The following LMO2 variants were observed in gnomAD, a reference collection of about 807,000 sequenced individuals.
LMO2 encodes the protein LIM domain only 2, also known as rhombotin-2.
In LMO2, 20 loss-of-function variants were observed where a neutral mutation model predicts 23.2. The observed-to-expected ratio is 0.86, with a 90% CI of 0.61 to 1.25. The LOEUF is 1.25. Ranked by LOEUF, LMO2 falls within the 50% of genes most tolerant of loss-of-function variation. LMO2 has a pLI of 0.00. For synonymous variants in LMO2, 123 were observed against 130.2 expected, an observed-to-expected ratio of 0.94 and a Z score of 0.38; for missense variants, 270 against 315.3, an observed-to-expected ratio of 0.86 and a Z score of 1.09.
intron 2 of LMO2, among the ~76,000 whole-genome samples, chr11:33,876,932 A>C (rs574621330): frequency 9.8e-5 from 15 of 152,374 alleles, no homozygotes; most frequent in African/African-American, 3.6e-4. Flanking sequence ...TGCTGAGCCC[A>C]GTGATCAACA....
At chr11:33,870,491 G>T in intron 2 of LMO2, 1 of 985,500 alleles carries the variant, frequency 1.0e-6, no homozygotes, top group South Asian at 4.7e-5. Flanking sequence ...CGGGCTCCGG[G>T]CTGCGGGCTC....
At position 33,864,992 on chromosome 11, in the gene LMO2, G is replaced by T. The variant is rs570107445; in HGVS notation, c.249-175C>A. ...AGACTGCAGAGTCCCAACCAACCTTGGGTTAAGACGGGAAAGAGCCAGACC... is the reference window on the plus strand; with the variant it reads ...AGACTGCAGAGTCCCAACCAACCTTTGGTTAAGACGGGAAAGAGCCAGACC... On this transcript the variant is annotated intron_variant, in intron 4 of 5. Coordinates refer to ENST00000257818, the MANE Select transcript of LMO2 (RefSeq NM_005574.4). This position sits in a 1 kb window ranked among gnomAD's most constrained non-coding sequence, Gnocchi z 4.8. The T allele has an allele frequency of 4.9e-5, 32 of 656,982 alleles. No homozygotes were observed. In the African/African-American group the frequency reaches 5.1e-4, roughly 11 times the overall value. 40.7% of individuals were successfully genotyped at this position (656,982 alleles called of 1,614,324 possible). A position where few individuals can be genotyped will look rare whatever the true frequency, so the allele number is the denominator to read the frequency against.
intron 2 of LMO2, among the ~76,000 whole-genome samples, chr11:33,879,469 A>T (rs908771712): frequency 1.3e-5 from 2 of 151,658 alleles, no homozygotes; most frequent in Non-Finnish European, 2.9e-5. Context: ...TAAAAAAAAA[A>T]AAAAAAAAAA....
rs1382303401 is a variant in LMO2 at position 33,869,370 on chromosome 11, T to G, written c.224A>C (p.Glu75Ala). 6.8e-6 allele frequency: 8 copies of G among 1,180,574 alleles called. No individual in the cohort carries two copies. Among genetic ancestry groups the G allele is most frequent in the East Asian group, 7.7e-5 (2 of 25,980 alleles). 73.1% of individuals were successfully genotyped at this position (1,180,574 alleles called of 1,614,324 possible). ...CTCTGAAGGGTCCAGGCTCTTCCTT[T>G]CGATGGCCGAGGACATTGGGGAGGG... The part of the protein sequence containing the change: ...PPPSPMSSAI[E>A]RKSLDPSEEP... The change falls in exon 4 of 6, where the codon GAA becomes GCA. Residue 75 changes from glutamate (E) to alanine (A), a missense_variant. Glu to Ala is a moderately radical substitution (Grantham distance 107, BLOSUM62 -1). Coordinates refer to ENST00000257818, the MANE Select transcript of LMO2 (RefSeq NM_005574.4).
At chr11:33,871,567 C>CAAAAA (rs58212820) in intron 2 of LMO2, among the ~76,000 whole-genome samples, 14 of 52,908 alleles carry the variant, frequency 2.6e-4, no homozygotes, top group East Asian at 1.1e-3. Flanking sequence ...GACCCTGTCT[C>CAAAAA]AAAAAAAAAA....
Position 33,880,932 on chromosome 11 carries a change from CTGGATAAACT to C in LMO2, c.-272+882_-272+891del. On this transcript the variant is annotated intron_variant, in intron 2 of 5. Transcript: ENST00000257818. The surrounding 1 kb of genome is among the most constrained non-coding windows in gnomAD (Gnocchi z 4.3). ...TTCGAATAGTGCTCATCCCTGACTT[CTGGATAAACT>C]TCTTTGCAGAAGCCCATTTGACTCC... The C allele has an allele frequency of 2.9e-6, 1 of 341,480 alleles. No individual in the cohort carries two copies. The highest frequency in any genetic ancestry group is 2.3e-5 in the South Asian group (1 of 43,904). 21.2% of individuals were successfully genotyped at this position (341,480 alleles called of 1,614,324 possible).
chr11:33,876,801 G>A (rs910696962), intron 2 of LMO2, among the ~76,000 whole-genome samples: 3 of 152,212 alleles, frequency 2.0e-5, no homozygotes, highest in Admixed American at 1.3e-4. Flanking sequence ...GCTCCTTTAA[G>A]TACATGGTTT....
intron 4 of LMO2, among the ~76,000 whole-genome samples, chr11:33,868,851 C>T (rs1460328953): frequency 1.3e-5 from 2 of 152,204 alleles, no homozygotes; most frequent in Non-Finnish European, 2.9e-5. Context: ...CCGTTATCCG[C>T]AAGGCTGGCA....
Position 33,869,711 on chromosome 11 carries a change from T to G in LMO2, c.6A>C (p.Glu2Asp). The change falls in exon 3 of 6, where the codon GAA (glutamate) becomes GAC (aspartate). Residue 2 changes from glutamate to aspartate, a missense_variant and splice_region_variant. Coordinates refer to ENST00000257818, the MANE Select transcript of LMO2 (RefSeq NM_005574.4). M[E>D]GSAVTVLERG... is the part of the protein sequence containing the mutation. ...TGCTGCTGCTGCTCAGGACTTAACC[T>G]TCCATCCCGGTCCCGCCGCCGCCAC... The G allele has an allele frequency of 7.8e-7, 1 of 1,280,772 alleles. No homozygotes were observed. 79.3% of individuals were successfully genotyped at this position (1,280,772 alleles called of 1,614,324 possible). A position where few individuals can be genotyped will look rare whatever the true frequency, so the allele number is the denominator to read the frequency against.
rs985963309 is a variant in LMO2, at chr11:33,869,902, G to C, written c.-186C>G. The C allele has an allele frequency of 2.9e-6, 3 of 1,049,978 alleles. No individual in the cohort carries two copies. Among genetic ancestry groups the C allele is most frequent in the African/African-American group, 3.4e-5 (2 of 58,870 alleles). 65.0% of individuals were successfully genotyped at this position (1,049,978 alleles called of 1,614,324 possible). On this transcript the variant is annotated 5_prime_UTR_variant, in exon 3 of 6. Transcript: ENST00000257818. ...GCGGCCTAGGGGCGGGGAGGGGACC[G>C]TGCGTCTCTCTCCGGGCTTCCTCCT...
At chr11:33,891,390 T>TGCACACACACTCACAC (rs1857547646) in intron 1 of LMO2, among the ~76,000 whole-genome samples, 1 of 52,820 alleles carries the variant, frequency 1.9e-5, no homozygotes, top group African/African-American at 7.3e-5. Context: ...CACACACACA[T>TGCACACACACTCACAC]GCACACACAC....
chr11:33,869,215 G>T, intron 4 of LMO2, 131 bp downstream of exon 4: 2 of 558,450 alleles, frequency 3.6e-6, no homozygotes, highest in Non-Finnish European at 4.8e-6. Flanking sequence ...CCAGCGCTCG[G>T]CACAGGGGGC....
rs995574130 is a variant in LMO2 at position 33,864,671 on chromosome 11, C to T, written c.395G>A (p.Arg132Gln). 6.8e-6 allele frequency: 11 copies of T among 1,613,950 alleles called. No individual in the cohort carries two copies. Among genetic ancestry groups the T allele is most frequent in the African/African-American group, 1.3e-5 (1 of 74,934 alleles). ...GAGGCGCCGCCCCACCTCACCCAGC[C>T]GGCAGCCACAGAGGTCGCAGCTCAG... ...DCLSCDLCGC[R>Q]LGEVGRRLYY... is the part of the protein sequence containing the mutation. The change falls in exon 5 of 6, where the codon CGG becomes CAG. Residue 132 changes from arginine (R) to glutamine (Q), a missense_variant. Physicochemically the swap from Arg to Gln is conservative, Grantham distance 43. Transcript: ENST00000257818. The surrounding 1 kb of genome is among the most constrained non-coding windows in gnomAD (Gnocchi z 4.8).
Position 33,869,848 on chromosome 11 carries a change from T to C in LMO2, c.-132A>G, listed in dbSNP as rs748596915. ...ACCTTCGGCCCGGGTCGCGGCGCGC[T>C]GCTCGCCGCCGAGGGCAGAGAGGGG... On this transcript the variant is annotated 5_prime_UTR_variant, in exon 3 of 6. Coordinates refer to ENST00000257818, the MANE Select transcript of LMO2 (RefSeq NM_005574.4). The C allele has an allele frequency of 2.6e-4, 274 of 1,060,638 alleles. No homozygotes were observed. The highest frequency in any genetic ancestry group is 3.0e-4 in the Non-Finnish European group (266 of 879,586). The allele number at this position is 1,060,638 out of a possible 1,614,324, so 65.7% of individuals were successfully genotyped here. A position where few individuals can be genotyped will look rare whatever the true frequency, so the allele number is the denominator to read the frequency against.
At chr11:33,869,313 CG>C (rs1383446073) in intron 4 of LMO2, 32 bp downstream of exon 4, 2 of 1,100,182 alleles carry the variant, frequency 1.8e-6, no homozygotes, top group Non-Finnish European at 2.2e-6. Context: ...CCGTGGACAC[CG>C]GGGGTGGCAG....
chr11:33,869,680 T>A, intron 3 of LMO2, 30 bp downstream of exon 3: 3 of 1,263,986 alleles, frequency 2.4e-6, no homozygotes, highest in Non-Finnish European at 3.0e-6. Flanking sequence ...TCCAGGCGGC[T>A]GCAGCTGCTG....
At chr11:33,889,105 G>A (rs1857482819) in intron 1 of LMO2, among the ~76,000 whole-genome samples, 1 of 152,180 alleles carries the variant, frequency 6.6e-6, no homozygotes, top group South Asian at 2.1e-4. Context: ...GAACAGGTTT[G>A]GGTAATAGGG....
At chr11:33,870,475 AGGCTGCGGGCTCCGGGCTGCGGGCTCCG>A (rs906198567) in intron 2 of LMO2, 2 of 963,704 alleles carry the variant, frequency 2.1e-6, no homozygotes, top group Admixed American at 6.2e-5. Flanking sequence ...TGCGGGCCCC[AGGCTGCGGGCTCCGGGCTGCGGGCTCCG>A]GGCTGCGGCC....
chr11:33,881,200 G>A (rs1242760430), intron 2 of LMO2: 1 of 456,986 alleles, frequency 2.2e-6, no homozygotes, highest in East Asian at 6.9e-5. Flanking sequence ...GACTGCCGTG[G>A]GCCTGCTGAC....
Sources: allele counts gnomAD v4.1 joint callset (sites outside exome capture counted in the v4.1 genomes callset), GRCh38; gene constraint gnomAD v4.1.1; non-coding constraint Gnocchi (gnomAD v3.1); transcripts MANE v1.5; gene names NCBI Gene and HGNC (gene_info 2026-07-23, HGNC 2026-07-21).